The following ADSL variants were observed in gnomAD, a reference collection of about 807,000 sequenced individuals.
The protein encoded by ADSL is adenylosuccinase.
A neutral mutation model predicts 62.1 loss-of-function variants in ADSL; 44 were observed. That is an observed-to-expected ratio of 0.71 (90% CI 0.56 to 0.91). ADSL has a LOEUF of 0.91. ADSL is among the 40% of genes least tolerant of loss of function. The pLI, the probability that ADSL is intolerant of heterozygous loss-of-function variation, is 0.00. For missense variants in ADSL, 531 were observed against 627.4 expected, an observed-to-expected ratio of 0.85 and a Z score of 1.64; for synonymous variants, 198 against 220.5, an observed-to-expected ratio of 0.90 and a Z score of 0.90.
At chr22:40,346,899 T>A (rs1191500348) in intron 1 of ADSL, among the ~76,000 whole-genome samples, 188 bp downstream of exon 1, 1 of 152,196 alleles carries the variant, frequency 6.6e-6, no homozygotes, top group Non-Finnish European at 1.5e-5. Context: ...AGCCGCCACC[T>A]GTTGCCTCAC....
At chr22:40,354,794 G>A (rs1012074657) in intron 4 of ADSL, among the ~76,000 whole-genome samples, 2 of 151,760 alleles carry the variant, frequency 1.3e-5, no homozygotes, top group Admixed American at 6.6e-5. Flanking sequence ...ACTTGAACCC[G>A]GGACGCGGAG....
chr22:40,370,128 T>C (rs976429134), downstream of ADSL, among the ~76,000 whole-genome samples: 1 of 152,008 alleles, frequency 6.6e-6, no homozygotes, highest in African/African-American at 2.4e-5. Flanking sequence ...TCATCTGAGG[T>C]CAGGAGTTCG....
In ADSL at chr22:40,366,577, T is replaced by C. The variant is rs1298856771; in HGVS notation, c.*55T>C. 7.5e-7 allele frequency: 1 copy of C among 1,329,972 alleles called. No individual in the cohort carries two copies. The highest frequency in any genetic ancestry group is 1.7e-5 in the Admixed American group (1 of 59,408). 82.4% of individuals were successfully genotyped at this position (1,329,972 alleles called of 1,614,324 possible). On this transcript the variant is annotated 3_prime_UTR_variant, in exon 13 of 13. Transcript: ENST00000623063. ...GTTAATTGCTGAGGCATGAAAATTG[T>C]GTTACTATAATGCCTTATTTTACCT...
chr22:40,350,245 TC>T (rs2044294478), intron 2 of ADSL: 1 of 532,542 alleles, frequency 1.9e-6, no homozygotes, highest in South Asian at 2.1e-5. Flanking sequence ...TGCCTCAGCC[TC>T]CCGAGTAGCT....
In ADSL at chr22:40,384,331, T is replaced by G. The variant is rs560749278; in HGVS notation, c.90-5899T>G. Among the ~76,000 whole-genome samples the G allele has an allele frequency of 4.6e-5, 7 of 152,042 alleles. No individual in the cohort carries two copies. The South Asian group carries it at 8.3e-4, about 18-fold the overall frequency. ...TGTCTTGGGAGAAGAAACAGGAATA[T>G]TAAAAAGAATCATCTGAGATAGAAT... On this transcript the variant is annotated intron_variant, in intron 2 of 2. Coordinates refer to the ADSL transcript ENST00000498234.
intron 5 of ADSL, 108 bp from the exon 6 acceptor site, chr22:40,359,152 G>C: frequency 1.9e-6 from 3 of 1,586,434 alleles, no homozygotes; most frequent in Non-Finnish European, 2.6e-6. Flanking sequence ...CTTTCGACTA[G>C]AAGGAAGTTG....
At chr22:40,350,932 C>T (rs1361015491) in intron 2 of ADSL, among the ~76,000 whole-genome samples, 1 of 151,898 alleles carries the variant, frequency 6.6e-6, no homozygotes, top group African/African-American at 2.4e-5. Flanking sequence ...GCCTGGCCTT[C>T]AAAGGACTTG....
chr22:40,366,027 C>T (rs561146681), intron 12 of ADSL, among the ~76,000 whole-genome samples: 9 of 152,082 alleles, frequency 5.9e-5, no homozygotes, highest in Non-Finnish European at 1.0e-4. Context: ...AAGGAGGCTA[C>T]TGCAACGGGC....
At chr22:40,360,881 A>G (rs1185898161) in intron 7 of ADSL, among the ~76,000 whole-genome samples, 1 of 151,918 alleles carries the variant, frequency 6.6e-6, no homozygotes, top group Admixed American at 6.6e-5. Context: ...GGCTAATTTT[A>G]GTAGAGGCAG....
chr22:40,374,156 C>T (rs571439313), downstream of ADSL, among the ~76,000 whole-genome samples: 23 of 151,424 alleles, frequency 1.5e-4, no homozygotes, highest in African/African-American at 4.9e-4. Flanking sequence ...GGGGCTTCAC[C>T]GTGTTAGCCA....
intron 5 of ADSL, 59 bp downstream of exon 5, chr22:40,359,094 G>T (rs1168669595): frequency 1.2e-5 from 19 of 1,607,228 alleles, no homozygotes; most frequent in Non-Finnish European, 1.4e-5. Flanking sequence ...AAGAGACAAG[G>T]CTGCCTTTGA....
chr22:40,351,163 TA>T (rs67132188), intron 2 of ADSL, among the ~76,000 whole-genome samples: 2 of 150,908 alleles, frequency 1.3e-5, no homozygotes, highest in Admixed American at 6.6e-5. Flanking sequence ...CCAGGCTAAT[TA>T]AAAAAAAATT....
intron 2 of ADSL, among the ~76,000 whole-genome samples, chr22:40,384,731 A>G (rs966481748): frequency 3.3e-5 from 5 of 152,230 alleles, no homozygotes; most frequent in African/African-American, 1.2e-4. Context: ...CAGTAAGCTG[A>G]GATAGCGCCA....
chr22:40,349,411 G>A (rs1037445948), intron 1 of ADSL, among the ~76,000 whole-genome samples: 1 of 145,068 alleles, frequency 6.9e-6, no homozygotes, highest in African/African-American at 2.6e-5. Context: ...GGCTTACTCT[G>A]TTGCCCAGGC....
rs2044911529 is a variant in ADSL, at chr22:40,364,276, G to A, written c.1102G>A (p.Val368Ile). ...TCATTCACCGTATCTTTTCCTATAG[G>A]TAATTGAACGGCGCATTCGGCAAGA... The part of the protein sequence containing the change: ...ISEGLVVYPK[V>I]IERRIRQELP... Residue 368 changes from valine to isoleucine, a missense_variant and splice_region_variant, in exon 11 of 13, where the codon GTA becomes ATA. By Grantham distance (29) the Val-to-Ile change is conservative. Transcript: ENST00000623063. 2 of 1,613,594 alleles carry A rather than the reference G, an allele frequency of 1.2e-6. No homozygotes were observed. The highest frequency in any genetic ancestry group is 1.1e-5 in the South Asian group (1 of 91,038).
intron 2 of ADSL, chr22:40,376,462 C>T (rs1416390251): frequency 6.6e-6 from 1 of 152,006 alleles, no homozygotes; most frequent in African/African-American, 2.4e-5. Flanking sequence ...CCTGGCTTTA[C>T]CATTGTAAAC....
rs559415958 is a variant in ADSL, at chr22:40,350,014, T to C, written c.336T>C (p.Ser112=). The C allele has an allele frequency of 1.2e-6, 2 of 1,614,028 alleles. No homozygotes were observed. Among genetic ancestry groups the C allele is most frequent in the South Asian group, 2.2e-5 (2 of 91,080 alleles). The change falls in exon 2 of 13, where the codon TCT becomes TCC. Residue 112 remains serine, a synonymous_variant. Coordinates refer to ENST00000623063, the MANE Select transcript of ADSL (RefSeq NM_000026.4). ...GCATTATTCACCTTGGTGCTACTTC[T>C]TGCTATGTTGGAGACAATACTGTAG... ...AAGIIHLGAT[S]CYVGDNTDLI...
intron 2 of ADSL, among the ~76,000 whole-genome samples, chr22:40,384,784 A>G (rs1329938012): frequency 1.3e-5 from 2 of 152,236 alleles, no homozygotes; most frequent in Non-Finnish European, 1.5e-5. Flanking sequence ...CCACCTCAAA[A>G]AAAAAGAAAT....
chr22:40,352,410 C>T (rs1352910269), intron 2 of ADSL, among the ~76,000 whole-genome samples: 1 of 152,092 alleles, frequency 6.6e-6, no homozygotes, highest in Non-Finnish European at 1.5e-5. Flanking sequence ...TGCCTGTAGT[C>T]CCAGCTACTC....
Sources: gnomAD v4.1 joint callset for allele counts (sites outside exome capture counted in the v4.1 genomes callset) on GRCh38, gnomAD v4.1.1 for gene constraint, MANE v1.5 for transcripts, NCBI Gene and HGNC (gene_info 2026-07-23, HGNC 2026-07-21) for gene names.